CHD1L: variants seen among roughly 807,000 people sequenced by gnomAD.
CHD1L encodes chromodomain helicase DNA binding protein 1 like.
In CHD1L, 118 loss-of-function variants were observed where a neutral mutation model predicts 115.9. The observed-to-expected ratio is 1.02, with a 90% CI of 0.88 to 1.19. The LOEUF (loss-of-function observed/expected upper bound fraction) is 1.19. Among genes scored for constraint, CHD1L ranks in the 50% most tolerant of loss-of-function variants. The pLI, the probability that CHD1L is intolerant of heterozygous loss-of-function variation, is 0.00. For synonymous variants in CHD1L, 411 were observed against 387.1 expected (o/e 1.06, Z -0.72); for missense variants, 1,179 against 1,065.3 (o/e 1.11, Z -1.49).
intron 10 of CHD1L, among the ~76,000 whole-genome samples, chr1:147,270,208 T>C (rs587643565): frequency 1.4e-4 from 21 of 152,340 alleles, no homozygotes; most frequent in Admixed American, 8.5e-4. Context: ...AGAATATTGT[T>C]TTGACAGTGC....
the CHD1L span, among the ~76,000 whole-genome samples, chr1:147,177,618 C>T: frequency 2.6e-5 from 4 of 152,172 alleles, no homozygotes; most frequent in Non-Finnish European, 4.4e-5. Flanking sequence ...ATGAGAATAG[C>T]ATTTGATCTT....
At chr1:147,274,602 A>C (rs1553955984) in intron 12 of CHD1L, among the ~76,000 whole-genome samples, 1 of 149,538 alleles carries the variant, frequency 6.7e-6, no homozygotes, top group African/African-American at 2.4e-5. Context: ...AGAAGGCTGC[A>C]ATGTACCTTC....
At chr1:147,281,906 A>G (rs1202105209) in intron 15 of CHD1L, among the ~76,000 whole-genome samples, 1 of 152,212 alleles carries the variant, frequency 6.6e-6, no homozygotes, top group African/African-American at 2.4e-5. Flanking sequence ...AAATCTAGCT[A>G]ATGAACATAC....
At chr1:147,178,100 C>G in the CHD1L span, 20 of 1,541,592 alleles carry the variant, frequency 1.3e-5, no homozygotes, top group Middle Eastern at 1.7e-4. Context: ...CTGCCCCCAC[C>G]CCACCTCGCC....
At chr1:147,268,452 C>T (rs782530385) in intron 9 of CHD1L, among the ~76,000 whole-genome samples, 10 of 152,154 alleles carry the variant, frequency 6.6e-5, no homozygotes, top group Non-Finnish European at 1.5e-4. Context: ...GTGTTGGGAA[C>T]ACATAGGTTT....
chr1:147,205,046 T>C, the CHD1L span: 5 of 676,448 alleles, frequency 7.4e-6, no homozygotes, highest in African/African-American at 3.6e-5. Flanking sequence ...ATCTTTGCTA[T>C]ATAGTCCAGC....
intron 9 of CHD1L, among the ~76,000 whole-genome samples, chr1:147,268,095 G>C (rs1371062144): frequency 6.6e-6 from 1 of 152,116 alleles, no homozygotes. Flanking sequence ...CTCAGCTTCT[G>C]GGATATACTT....
At chr1:147,295,197 T>A (rs1553975718) in intron 22 of CHD1L, among the ~76,000 whole-genome samples, 1 of 152,206 alleles carries the variant, frequency 6.6e-6, no homozygotes, top group Non-Finnish European at 1.5e-5. Context: ...CTGTAAAAAC[T>A]TAGAGAAGCC....
At chr1:147,205,170 T>G in the CHD1L span, among the ~76,000 whole-genome samples, 1 of 152,222 alleles carries the variant, frequency 6.6e-6, no homozygotes, top group Non-Finnish European at 1.5e-5. Flanking sequence ...TATCTCCTAT[T>G]ATTCAACAAA....
chr1:147,282,506 C>T (rs906929136), intron 15 of CHD1L, among the ~76,000 whole-genome samples: 17 of 152,166 alleles, frequency 1.1e-4, no homozygotes, highest in Non-Finnish European at 1.9e-4. Flanking sequence ...TTCCATGTCT[C>T]TTCTTAATCT....
the CHD1L span, chr1:147,212,420 A>G: frequency 6.2e-7 from 1 of 1,614,164 alleles, no homozygotes; most frequent in Non-Finnish European, 8.5e-7. Flanking sequence ...TAATCTCTAC[A>G]GCCAGATCCC....
the CHD1L span, among the ~76,000 whole-genome samples, chr1:147,217,399 G>GT: frequency 6.6e-6 from 1 of 151,790 alleles, no homozygotes; most frequent in South Asian, 2.1e-4. Flanking sequence ...TTCAAAAATT[G>GT]TTTTGACTAT....
the CHD1L span, among the ~76,000 whole-genome samples, chr1:147,233,537 C>T: frequency 6.6e-6 from 1 of 151,024 alleles, no homozygotes. Flanking sequence ...TCTGCCCGGC[C>T]GCCCCTACTG....
At chr1:147,293,133 C>CT (rs1553119614) in intron 20 of CHD1L, among the ~76,000 whole-genome samples, 33,141 of 151,994 alleles carry the variant, frequency 0.22, 4,172 homozygotes, top group South Asian at 0.28. Flanking sequence ...CTCTCCAGCT[C>CT]GCCCACTTAG....
the CHD1L span, chr1:147,178,556 T>C: frequency 1.9e-6 from 3 of 1,610,292 alleles, no homozygotes; most frequent in Non-Finnish European, 2.5e-6. Context: ...TTTAAGAAAT[T>C]CATTAGTGAT....
At chr1:147,283,683 A>G (rs1202442174) in intron 15 of CHD1L, among the ~76,000 whole-genome samples, 1 of 152,176 alleles carries the variant, frequency 6.6e-6, no homozygotes, top group African/African-American at 2.4e-5. Flanking sequence ...CACAGTTATT[A>G]TTTGCTAGCC....
At chr1:147,233,958 G>C in the CHD1L span, among the ~76,000 whole-genome samples, 1 of 152,224 alleles carries the variant, frequency 6.6e-6, no homozygotes, top group Non-Finnish European at 1.5e-5. Context: ...CAAACACTGC[G>C]GAAGGCGGCA....
intron 18 of CHD1L, 48 bp downstream of exon 18, chr1:147,286,548 T>A: frequency 6.4e-7 from 1 of 1,563,950 alleles, no homozygotes; most frequent in African/African-American, 1.4e-5. Flanking sequence ...GTCCTTATGG[T>A]GCCAAGAACT....
the CHD1L span, among the ~76,000 whole-genome samples, chr1:147,221,380 C>T: frequency 6.6e-6 from 1 of 152,096 alleles, no homozygotes; most frequent in African/African-American, 2.4e-5. Context: ...TACTGTAATT[C>T]TCTGTATTAT....
Sources: gnomAD v4.1 joint callset for allele counts (sites outside exome capture counted in the v4.1 genomes callset) on GRCh38, gnomAD v4.1.1 for gene constraint, MANE v1.5 for transcripts, NCBI Gene and HGNC (gene_info 2026-07-23, HGNC 2026-07-21) for gene names.